The following MAGI2 variants were observed in gnomAD, a reference collection of about 807,000 sequenced individuals.
MAGI2 encodes membrane associated guanylate kinase, WW and PDZ domain containing 2.
MAGI2 carries 35 observed loss-of-function variants against 133.3 expected under a neutral mutation model. The ratio of observed to expected loss-of-function variants is 0.26; its 90% CI spans 0.20 to 0.35. The LOEUF (loss-of-function observed/expected upper bound fraction) is 0.35. MAGI2 is among the 10% of genes least tolerant of loss of function. MAGI2 has a pLI of 1.00. For synonymous variants in MAGI2, 729 were observed against 710.6 expected (o/e 1.03, Z -0.41); for missense variants, 1,636 against 1,863.4 (o/e 0.88, Z 2.25).
intron 1 of MAGI2, among the ~76,000 whole-genome samples, chr7:79,234,698 A>AC (rs1831713539): frequency 3.3e-5 from 3 of 89,742 alleles, no homozygotes; most frequent in Non-Finnish European, 8.9e-5. Flanking sequence ...CATTCTTCTC[A>AC]ATTTTTTTCA....
chr7:79,160,740 C>T (rs73145372), intron 1 of MAGI2, among the ~76,000 whole-genome samples: 7,592 of 152,046 alleles, frequency 0.05, 262 homozygotes, highest in African/African-American at 0.095. Context: ...TATAAAATAC[C>T]GAGTGAAGCA....
chr7:78,446,541 A>C (rs1563007898), intron 6 of MAGI2, among the ~76,000 whole-genome samples: 1 of 152,190 alleles, frequency 6.6e-6, no homozygotes, highest in Middle Eastern at 3.4e-3. Flanking sequence ...TCATCAGGCA[A>C]CCTTTTGGTT....
chr7:78,486,246 G>C (rs1792990428), intron 6 of MAGI2: 1 of 152,028 alleles, frequency 6.6e-6, no homozygotes, highest in African/African-American at 2.4e-5. Flanking sequence ...AGAGGCAAAA[G>C]AGTTAAGCTA....
chr7:78,967,311 G>C (rs1455071709), intron 2 of MAGI2, among the ~76,000 whole-genome samples: 2 of 151,912 alleles, frequency 1.3e-5, no homozygotes, highest in African/African-American at 4.8e-5. Flanking sequence ...TGTTTATGTG[G>C]TATTGAGTTG....
At chr7:78,331,370 T>C (rs747934001) in intron 9 of MAGI2, among the ~76,000 whole-genome samples, 1 of 152,086 alleles carries the variant, frequency 6.6e-6, no homozygotes, top group Non-Finnish European at 1.5e-5. Flanking sequence ...CAAGTTGAAA[T>C]TATGTATAAA....
intron 21 of MAGI2, among the ~76,000 whole-genome samples, chr7:78,060,563 G>C (rs1308083077): frequency 2.0e-5 from 3 of 152,244 alleles, no homozygotes; most frequent in Non-Finnish European, 4.4e-5. Flanking sequence ...GAGTGAGAGA[G>C]AACAGGAAAG....
chr7:78,880,872 G>C (rs1233632194), intron 2 of MAGI2, among the ~76,000 whole-genome samples: 4 of 151,990 alleles, frequency 2.6e-5, no homozygotes, highest in Non-Finnish European at 4.4e-5. Flanking sequence ...GTAAAGAATT[G>C]GACAAAGATC....
chr7:78,073,096 T>G, intron 21 of MAGI2: 1 of 396,496 alleles, frequency 2.5e-6, no homozygotes, highest in Non-Finnish European at 4.4e-6. Flanking sequence ...GGAAGACTTT[T>G]AACTAAACAA....
At chr7:79,174,856 T>A (rs11982534) in intron 1 of MAGI2, among the ~76,000 whole-genome samples, 7,797 of 151,930 alleles carry the variant, frequency 0.051, 465 homozygotes, top group East Asian at 0.16. Flanking sequence ...TATCTTCCTT[T>A]TCAAATCTTG....
At chr7:78,818,477 G>A (rs947124288) in intron 2 of MAGI2, among the ~76,000 whole-genome samples, 1 of 152,098 alleles carries the variant, frequency 6.6e-6, no homozygotes, top group Non-Finnish European at 1.5e-5. Context: ...GTGAGTGGAT[G>A]AGTTAATTGT....
intron 1 of MAGI2, among the ~76,000 whole-genome samples, chr7:79,248,511 G>A (rs938146572): frequency 7.2e-5 from 11 of 152,178 alleles, no homozygotes; most frequent in Middle Eastern, 3.4e-3. Context: ...ACTATAGACC[G>A]AATGGACTTA....
At chr7:79,311,664 C>G (rs1310243166) in intron 1 of MAGI2, among the ~76,000 whole-genome samples, 2 of 152,068 alleles carry the variant, frequency 1.3e-5, no homozygotes, top group Non-Finnish European at 2.9e-5. Flanking sequence ...CAAATGTACT[C>G]CAGCCAGACC....
chr7:78,289,302 T>C (rs548829419), intron 9 of MAGI2, among the ~76,000 whole-genome samples: 4 of 152,164 alleles, frequency 2.6e-5, no homozygotes, highest in Admixed American at 2.0e-4. Flanking sequence ...GAGAACTATG[T>C]GATGCATGCA....
chr7:78,753,825 T>G, intron 2 of MAGI2, among the ~76,000 whole-genome samples: 1 of 151,326 alleles, frequency 6.6e-6, no homozygotes, highest in East Asian at 1.9e-4. Flanking sequence ...CAGAGGGAAG[T>G]ATGGTACAAA....
At chr7:79,294,563 C>A (rs1836763401) in intron 1 of MAGI2, among the ~76,000 whole-genome samples, 1 of 152,012 alleles carries the variant, frequency 6.6e-6, no homozygotes, top group African/African-American at 2.4e-5. Context: ...ACTTGGCTGT[C>A]TCAGTGAAGT....
At chr7:79,429,818 C>T (rs1208376364) in intron 1 of MAGI2, among the ~76,000 whole-genome samples, 1 of 151,968 alleles carries the variant, frequency 6.6e-6, no homozygotes, top group Non-Finnish European at 1.5e-5. Context: ...ATATGATTAT[C>T]TCATTGAATA....
chr7:79,365,548 CA>C (rs2129127195), intron 1 of MAGI2, among the ~76,000 whole-genome samples: 1 of 152,106 alleles, frequency 6.6e-6, no homozygotes, highest in South Asian at 2.1e-4. Context: ...CAAAGAGTAA[CA>C]AGCTATTTTT....
chr7:78,315,740 A>G (rs1326307236), intron 9 of MAGI2, among the ~76,000 whole-genome samples: 1 of 152,184 alleles, frequency 6.6e-6, no homozygotes, highest in Non-Finnish European at 1.5e-5. Context: ...GAGCTTCTTT[A>G]CTGTTCCATT....
chr7:79,361,266 TG>T (rs891657003), intron 1 of MAGI2, among the ~76,000 whole-genome samples: 10 of 151,910 alleles, frequency 6.6e-5, no homozygotes, highest in Non-Finnish European at 1.5e-4. Context: ...TAGCTACAGG[TG>T]GGAACTTCAA....
Sources: allele counts gnomAD v4.1 joint callset (sites outside exome capture counted in the v4.1 genomes callset), GRCh38; gene constraint gnomAD v4.1.1; transcripts MANE v1.5; gene names NCBI Gene and HGNC (gene_info 2026-07-23, HGNC 2026-07-21).